The following STAG1 variants were observed in gnomAD, a reference collection of about 807,000 sequenced individuals.
STAG1 encodes the protein cohesin subunit SA-1.
STAG1 carries 26 observed loss-of-function variants against 170.9 expected under a neutral mutation model. The observed-to-expected ratio is 0.15, with a 90% CI of 0.11 to 0.21. The LOEUF is 0.21. Among genes scored for constraint, STAG1 ranks in the 10% least tolerant of loss-of-function variants. The pLI is 1.00. For missense variants in STAG1, 964 were observed against 1,509.5 expected, an observed-to-expected ratio of 0.64 and a Z score of 5.99; for synonymous variants, 514 against 497.7, an observed-to-expected ratio of 1.03 and a Z score of -0.44.
At chr3:136,687,696 A>G (rs1942579866) in intron 1 of STAG1, among the ~76,000 whole-genome samples, 1 of 151,238 alleles carries the variant, frequency 6.6e-6, no homozygotes, top group Admixed American at 6.6e-5. Flanking sequence ...TGGATTATAC[A>G]TTGTCTTTCT....
chr3:136,666,886 A>C (rs1941801561), intron 1 of STAG1, among the ~76,000 whole-genome samples: 1 of 152,062 alleles, frequency 6.6e-6, no homozygotes. Flanking sequence ...TTGTGCTCTT[A>C]AATGAAGAAG....
intron 9 of STAG1, 56 bp from the exon 10 acceptor site, chr3:136,477,468 C>A: frequency 6.9e-7 from 1 of 1,455,756 alleles, no homozygotes; most frequent in Non-Finnish European, 9.2e-7. Flanking sequence ...AGAATGCATT[C>A]ATACTCGCTT....
At chr3:136,629,687 A>G (rs1940250226) in intron 2 of STAG1, among the ~76,000 whole-genome samples, 1 of 152,092 alleles carries the variant, frequency 6.6e-6, no homozygotes, top group Non-Finnish European at 1.5e-5. Flanking sequence ...AGGCCAAGAG[A>G]TCAATCAGAG....
intron 9 of STAG1, among the ~76,000 whole-genome samples, chr3:136,499,419 C>A (rs940435528): frequency 1.3e-5 from 2 of 152,136 alleles, no homozygotes; most frequent in Admixed American, 1.3e-4. Flanking sequence ...ACCTTAGCCT[C>A]CCAAAGTGTT....
chr3:136,617,155 G>A (rs1048808161), intron 3 of STAG1, among the ~76,000 whole-genome samples: 4 of 152,144 alleles, frequency 2.6e-5, no homozygotes, highest in African/African-American at 9.7e-5. Flanking sequence ...GCTCAACATG[G>A]CACCAACTCT....
At chr3:136,583,855 T>C (rs988073845) in intron 4 of STAG1, among the ~76,000 whole-genome samples, 2 of 152,110 alleles carry the variant, frequency 1.3e-5, no homozygotes, top group Non-Finnish European at 2.9e-5. Context: ...AGATCAATTA[T>C]AAGGAAACTA....
chr3:136,557,687 T>C (rs1000922226), intron 5 of STAG1, among the ~76,000 whole-genome samples: 4 of 152,012 alleles, frequency 2.6e-5, no homozygotes, highest in Non-Finnish European at 4.4e-5. Context: ...GGATTACAAG[T>C]GCCCACCACC....
chr3:136,402,355 C>A (rs901405825), intron 21 of STAG1, among the ~76,000 whole-genome samples: 1 of 151,368 alleles, frequency 6.6e-6, no homozygotes, highest in African/African-American at 2.4e-5. Flanking sequence ...GTAGCTGGGA[C>A]TACAGGTGCG....
chr3:136,426,098 T>A (rs998428788), intron 16 of STAG1, among the ~76,000 whole-genome samples: 3 of 151,562 alleles, frequency 2.0e-5, no homozygotes, highest in Non-Finnish European at 4.4e-5. Flanking sequence ...TTTTGGAGAT[T>A]TGCAACAATT....
chr3:136,369,421 T>C (rs1405702613), intron 23 of STAG1, 139 bp from the exon 24 acceptor site: 1 of 625,420 alleles, frequency 1.6e-6, no homozygotes, highest in Non-Finnish European at 2.4e-6. Context: ...ATTCCAAATA[T>C]TGTTATAATT....
At chr3:136,445,548 G>T (rs2088753785) in intron 14 of STAG1, among the ~76,000 whole-genome samples, 1 of 152,162 alleles carries the variant, frequency 6.6e-6, no homozygotes, top group South Asian at 2.1e-4. Flanking sequence ...AGTGATGACT[G>T]CCTAGCAATA....
chr3:136,552,511 A>G (rs1369388404), intron 5 of STAG1, among the ~76,000 whole-genome samples: 1 of 152,232 alleles, frequency 6.6e-6, no homozygotes, highest in East Asian at 1.9e-4. Context: ...GACAATAAAT[A>G]AAAGCAGAAA....
intron 22 of STAG1, among the ~76,000 whole-genome samples, chr3:136,396,141 A>G (rs1265837599): frequency 6.6e-6 from 1 of 151,052 alleles, no homozygotes; most frequent in African/African-American, 2.4e-5. Flanking sequence ...ACCTCAGGTG[A>G]TCCGCCCACC....
chr3:136,348,758 A>C (rs1287771304), intron 29 of STAG1: 1 of 203,674 alleles, frequency 4.9e-6, no homozygotes, highest in Non-Finnish European at 1.0e-5. Flanking sequence ...GAAAACAACT[A>C]TTCTGGTATA....
chr3:136,512,901 A>C (rs1393966987), intron 7 of STAG1, among the ~76,000 whole-genome samples: 1 of 152,204 alleles, frequency 6.6e-6, no homozygotes, highest in African/African-American at 2.4e-5. Context: ...CCAAGAAACA[A>C]ATATTTGAGG....
intron 3 of STAG1, among the ~76,000 whole-genome samples, chr3:136,619,109 G>C (rs147633158): frequency 3.9e-5 from 6 of 152,018 alleles, no homozygotes; most frequent in African/African-American, 1.4e-4. Context: ...CTAACATTAG[G>C]ACAATGTGCA....
At chr3:136,415,012 G>A (rs147043684) in intron 21 of STAG1, among the ~76,000 whole-genome samples, 2 of 152,188 alleles carry the variant, frequency 1.3e-5, no homozygotes, top group East Asian at 3.9e-4. Context: ...ACAGTTCATG[G>A]TGCCCCAAAA....
At chr3:136,744,864 C>G (rs1200913275) in intron 1 of STAG1, among the ~76,000 whole-genome samples, 1 of 151,904 alleles carries the variant, frequency 6.6e-6, no homozygotes, top group Non-Finnish European at 1.5e-5. Context: ...TTAGTAGAGA[C>G]GGGGTTTCGC....
At chr3:136,506,692 G>A (rs1174318569) in intron 7 of STAG1, among the ~76,000 whole-genome samples, 1 of 151,056 alleles carries the variant, frequency 6.6e-6, no homozygotes, top group East Asian at 1.9e-4. Context: ...ATATACTGCT[G>A]AAAGAATTTG....
Sources: allele counts gnomAD v4.1 joint callset (sites outside exome capture counted in the v4.1 genomes callset), GRCh38; gene constraint gnomAD v4.1.1; transcripts MANE v1.5; gene names NCBI Gene and HGNC (gene_info 2026-07-23, HGNC 2026-07-21).